WDR36: variants seen among roughly 807,000 people sequenced by gnomAD.
WDR36 encodes the protein WD repeat domain 36.
Under a neutral mutation model 112.7 loss-of-function variants are expected in WDR36, and 63 were observed. The ratio of observed to expected loss-of-function variants is 0.56; its 90% CI spans 0.46 to 0.69. The LOEUF (loss-of-function observed/expected upper bound fraction) is 0.69. WDR36 is among the 30% of genes least tolerant of loss of function. The probability of loss-of-function intolerance (pLI) is 0.00; values close to 1 mark genes in which losing one functional copy is unlikely to be tolerated. For synonymous variants in WDR36, 410 were observed against 362.2 expected, an observed-to-expected ratio of 1.13 and a Z score of -1.50; for missense variants, 1,226 against 1,070.3, an observed-to-expected ratio of 1.15 and a Z score of -2.03.
At chr5:111,100,805 C>T in intron 5 of WDR36, 84 bp downstream of exon 5, 1 of 1,374,206 alleles carries the variant, frequency 7.3e-7, no homozygotes. Flanking sequence ...TCTCATTTCT[C>T]CCTGCCCTTG....
At chr5:111,117,147 G>A (rs10051830) in intron 16 of WDR36, among the ~76,000 whole-genome samples, 79,129 of 151,934 alleles carry the variant, frequency 0.52, 21,332 homozygotes, top group South Asian at 0.67. Flanking sequence ...CATTCTTGTG[G>A]GCTTTCAAAA....
Position 111,097,047 on chromosome 5 carries a change from C to G in WDR36, c.191-32C>G, listed in dbSNP as rs759885569. The G allele has an allele frequency of 4.6e-6, 7 of 1,524,808 alleles. No individual in the cohort carries two copies. In the Admixed American group the frequency reaches 1.2e-4, roughly 25 times the overall value. The allele number at this position is 1,524,808 out of a possible 1,614,324, so 94.5% of individuals were successfully genotyped here. A position where few individuals can be genotyped will look rare whatever the true frequency, so the allele number is the denominator to read the frequency against. On this transcript the variant is annotated intron_variant, in intron 2 of 22. Transcript: ENST00000513710. The stretch of plus-strand genomic sequence containing the variant: ...GGTTTCTCTTTAACATCTTAAAAAT[C>G]CCTGTTTCTTTCATTTTGTATTTTC...
intron 3 of WDR36, among the ~76,000 whole-genome samples, chr5:111,098,266 T>A (rs1011819361): frequency 6.6e-6 from 1 of 152,166 alleles, no homozygotes; most frequent in African/African-American, 2.4e-5. Context: ...TGTAAGGATC[T>A]CTGTCAAAGC....
chr5:111,112,323 T>C (rs575494851), intron 15 of WDR36, among the ~76,000 whole-genome samples: 2 of 152,020 alleles, frequency 1.3e-5, no homozygotes, highest in Non-Finnish European at 2.9e-5. Context: ...AATCATTCTT[T>C]CCCATCCTTT....
intron 22 of WDR36, 124 bp from the exon 23 acceptor site, chr5:111,126,610 C>T: frequency 9.1e-7 from 1 of 1,096,294 alleles, no homozygotes; most frequent in South Asian, 1.4e-5. Context: ...TAGTAATAAA[C>T]CAGCGCTTAA....
At chr5:111,125,882 C>G in intron 22 of WDR36, 87 bp downstream of exon 22, 3 of 1,388,898 alleles carry the variant, frequency 2.2e-6, no homozygotes, top group Non-Finnish European at 3.0e-6. Flanking sequence ...GATGGGTATG[C>G]TGTATATCCA....
At chr5:111,122,089 GCTAA>G (rs1252564284) in intron 19 of WDR36, among the ~76,000 whole-genome samples, 5 of 152,158 alleles carry the variant, frequency 3.3e-5, no homozygotes, top group Admixed American at 3.3e-4. Context: ...CTTTTTACTT[GCTAA>G]CTTTTTGAGA....
chr5:111,097,013 T>C lies in WDR36; in HGVS notation c.191-66T>C, dbSNP rs867792619. On this transcript the variant is annotated intron_variant, in intron 2 of 22. Coordinates refer to ENST00000513710, the MANE Select transcript of WDR36 (RefSeq NM_139281.3). ...TTATAGCCATGAAAAATGTTATATG[T>C]ATACTTGAGGTTTCTCTTTAACATC... The C allele has an allele frequency of 1.1e-4, 120 of 1,085,272 alleles. 3 individuals carry two copies. The Middle Eastern group carries it at 3.4e-3, about 31-fold the overall frequency. The allele number at this position is 1,085,272 out of a possible 1,614,324, so 67.2% of individuals were successfully genotyped here.
Position 111,104,758 on chromosome 5 carries a change from G to C in WDR36, c.968G>C (p.Ser323Thr), listed in dbSNP as rs1447009046. The C allele has an allele frequency of 6.2e-7, 1 of 1,611,340 alleles. No homozygotes were observed. The highest frequency in any genetic ancestry group is 1.3e-5 in the African/African-American group (1 of 74,752). The part of the protein sequence containing the change: ...GRLLRFRMGH[S>T]APLTNIRYYG... Reference sequence around the variant, plus strand: ...CTTTTGAGATTCAGAATGGGTCATAGTGCTCCTCTTACCAATATCAGATAT... The same window carrying C: ...CTTTTGAGATTCAGAATGGGTCATACTGCTCCTCTTACCAATATCAGATAT... The change falls in exon 9 of 23, where the codon AGT (serine) becomes ACT (threonine). Residue 323 changes from serine (S) to threonine (T), a missense_variant. Coordinates refer to ENST00000513710, the MANE Select transcript of WDR36 (RefSeq NM_139281.3).
At chr5:111,113,240 T>C in intron 16 of WDR36, 87 bp downstream of exon 16, 1 of 748,174 alleles carries the variant, frequency 1.3e-6, no homozygotes, top group Non-Finnish European at 2.3e-6. Flanking sequence ...GTTAATGGGT[T>C]ATATGCTTTT....
chr5:111,093,727 G>A (rs537740265), intron 1 of WDR36, among the ~76,000 whole-genome samples: 2 of 152,208 alleles, frequency 1.3e-5, no homozygotes, highest in African/African-American at 4.8e-5. Context: ...CTTTGGTACA[G>A]TGTCTTTCCT....
intron 11 of WDR36, among the ~76,000 whole-genome samples, chr5:111,106,975 A>T (rs1044677889): frequency 7.9e-5 from 12 of 151,386 alleles, no homozygotes; most frequent in Non-Finnish European, 1.8e-4. Flanking sequence ...GAGTGGTCTT[A>T]TAAGACACTG....
At chr5:111,106,261 G>A in intron 11 of WDR36, 118 bp downstream of exon 11, 1 of 883,166 alleles carries the variant, frequency 1.1e-6, no homozygotes, top group Non-Finnish European at 1.9e-6. Flanking sequence ...GCATTCAGAA[G>A]GTAACCCCAG....
intron 5 of WDR36, among the ~76,000 whole-genome samples, chr5:111,100,947 AAGT>A (rs1262663994): frequency 6.6e-6 from 1 of 152,036 alleles, no homozygotes; most frequent in Non-Finnish European, 1.5e-5. Context: ...TCACATTTTA[AAGT>A]AGTACAGTAT....
rs1486266872 is a variant in WDR36 at position 111,098,713 on chromosome 5, A to T, written c.292-9A>T. Reference sequence around the variant, plus strand: ...TAATATGAAATTCTTTTAAACTTCGATGTTTTAGATAGTACATACCTTTAA... The same window carrying T: ...TAATATGAAATTCTTTTAAACTTCGTTGTTTTAGATAGTACATACCTTTAA... On this transcript the variant is annotated splice_polypyrimidine_tract_variant and intron_variant, in intron 3 of 22. Coordinates refer to ENST00000513710, the MANE Select transcript of WDR36 (RefSeq NM_139281.3). 4 of 1,522,366 alleles carry T rather than the reference A, an allele frequency of 2.6e-6. No individual in the cohort carries two copies. In the South Asian group the frequency reaches 3.4e-5, roughly 13 times the overall value. The allele number at this position is 1,522,366 out of a possible 1,614,324, so 94.3% of individuals were successfully genotyped here. A position where few individuals can be genotyped will look rare whatever the true frequency, so the allele number is the denominator to read the frequency against.
chr5:111,102,479 A>G, intron 6 of WDR36, 80 bp downstream of exon 6: 2 of 1,358,702 alleles, frequency 1.5e-6, no homozygotes, highest in Non-Finnish European at 2.1e-6. Flanking sequence ...TCATAATTTT[A>G]GACGTAAAGA....
chr5:111,110,365 C>G (rs1203408594), intron 13 of WDR36, 62 bp downstream of exon 13: 2 of 1,333,888 alleles, frequency 1.5e-6, no homozygotes, highest in Admixed American at 3.4e-5. Context: ...GTAGTGAAAG[C>G]TGGTATGTAT....
At chr5:111,126,610 C>G in intron 22 of WDR36, 124 bp from the exon 23 acceptor site, 1 of 1,096,294 alleles carries the variant, frequency 9.1e-7, no homozygotes, top group South Asian at 1.4e-5. Context: ...TAGTAATAAA[C>G]CAGCGCTTAA....
rs539621594 is a variant in WDR36 at position 111,113,638 on chromosome 5, A to G, written c.1796+485A>G. Among the ~76,000 whole-genome samples the G allele has an allele frequency of 3.9e-5, 6 of 152,216 alleles. No individual in the cohort carries two copies. In the South Asian group the frequency reaches 1.2e-3, roughly 32 times the overall value. On this transcript the variant is annotated intron_variant, in intron 16 of 22. Transcript: ENST00000513710. Reference sequence around the variant, plus strand: ...CATTTTCTGTTGCTTATAACAGAATATTGAAACTTGGTTATTTCTAAAGAA... The same window carrying G: ...CATTTTCTGTTGCTTATAACAGAATGTTGAAACTTGGTTATTTCTAAAGAA...
Sources: gnomAD v4.1 joint callset for allele counts (sites outside exome capture counted in the v4.1 genomes callset) on GRCh38, gnomAD v4.1.1 for gene constraint, MANE v1.5 for transcripts, NCBI Gene and HGNC (gene_info 2026-07-23, HGNC 2026-07-21) for gene names.